The following MAPKBP1 variants were observed in gnomAD, a reference collection of about 807,000 sequenced individuals.
MAPKBP1 encodes mitogen-activated protein kinase binding protein 1.
In MAPKBP1, 71 loss-of-function variants were observed where a neutral mutation model predicts 170.5. That is an observed-to-expected ratio of 0.42 (90% confidence interval 0.34 to 0.51). MAPKBP1 has a LOEUF of 0.51. Among genes scored for constraint, MAPKBP1 ranks in the 20% least tolerant of loss-of-function variants. The pLI is 0.06. For synonymous variants in MAPKBP1, 719 were observed against 757.9 expected (o/e 0.95, Z 0.84); for missense variants, 1,598 against 1,933.0 (o/e 0.83, Z 3.25).
chr15:41,823,275 T>C lies in MAPKBP1; in HGVS notation c.3598+53T>C, dbSNP rs1349688997. The C allele has an allele frequency of 6.3e-5, 100 of 1,581,226 alleles. 1 individual carries two copies. The highest frequency in any genetic ancestry group is 4.3e-6 in the Non-Finnish European group (5 of 1,162,084). On this transcript the variant is annotated intron_variant, in intron 28 of 30. Coordinates refer to ENST00000457542, the MANE Select transcript of MAPKBP1 (RefSeq NM_014994.3). ...GGGTGCAGGGTGTATGGAACACATG[T>C]ACATGCTGGAGGAGGGAGGGCCTGG...
intron 26 of MAPKBP1, 76 bp downstream of exon 26, chr15:41,822,498 C>T: frequency 1.2e-6 from 2 of 1,602,502 alleles, no homozygotes; most frequent in Non-Finnish European, 1.7e-6. Context: ...AGGAGGGTCC[C>T]AGGGTATAGG....
intron 8 of MAPKBP1, 42 bp downstream of exon 8, chr15:41,813,143 C>T (rs371195003): frequency 6.4e-7 from 1 of 1,572,060 alleles, no homozygotes; most frequent in Non-Finnish European, 8.6e-7. Context: ...GCTCATGTCT[C>T]AGCTCAGGGG....
chr15:41,823,420 C>T (rs775481160), intron 28 of MAPKBP1, 27 bp from the exon 29 acceptor site: 17 of 1,589,508 alleles, frequency 1.1e-5, no homozygotes, highest in Admixed American at 6.9e-5. Flanking sequence ...AACACCTGAC[C>T]TGTGTATACC....
intron 28 of MAPKBP1, 67 bp from the exon 29 acceptor site, chr15:41,823,380 T>C: frequency 6.4e-7 from 1 of 1,559,146 alleles, no homozygotes; most frequent in Non-Finnish European, 8.7e-7. Context: ...CTCTTCGGGA[T>C]TGGGTGTTGG....
intron 3 of MAPKBP1, among the ~76,000 whole-genome samples, chr15:41,807,464 T>G (rs2064718863): frequency 6.6e-6 from 1 of 152,242 alleles, no homozygotes; most frequent in Non-Finnish European, 1.5e-5. Context: ...TATGGTTGGC[T>G]GGATTATGCA....
chr15:41,791,866 A>T (rs1308380541), intron 2 of MAPKBP1, among the ~76,000 whole-genome samples: 1 of 151,826 alleles, frequency 6.6e-6, no homozygotes, highest in Non-Finnish European at 1.5e-5. Context: ...GACCAGCCTG[A>T]CCAACATGGA....
chr15:41,781,221 A>G (rs773889348), intron 2 of MAPKBP1, among the ~76,000 whole-genome samples: 4 of 151,926 alleles, frequency 2.6e-5, no homozygotes, highest in Admixed American at 6.6e-5. Flanking sequence ...GATTACAGGC[A>G]TGTGCCACCA....
At chr15:41,819,550 G>GCT in intron 21 of MAPKBP1, 45 bp from the exon 22 acceptor site, 6 of 1,518,506 alleles carry the variant, frequency 4.0e-6, no homozygotes, top group Non-Finnish European at 5.4e-6. Context: ...TGGGTGGCGG[G>GCT]GGGGGGGCAG....
chr15:41,802,397 T>C (rs759441582), intron 3 of MAPKBP1, among the ~76,000 whole-genome samples: 1 of 151,270 alleles, frequency 6.6e-6, no homozygotes, highest in East Asian at 1.9e-4. Flanking sequence ...TTTATAAACT[T>C]TTTTTTTTAA....
chr15:41,811,028 G>A (rs2064795600), intron 4 of MAPKBP1, 83 bp downstream of exon 4: 1 of 1,568,578 alleles, frequency 6.4e-7, no homozygotes, highest in Non-Finnish European at 8.8e-7. Context: ...ATGGCTCTGG[G>A]GGCTGGGACC....
chr15:41,798,520 T>G (rs1388329237), intron 2 of MAPKBP1, among the ~76,000 whole-genome samples: 1 of 152,004 alleles, frequency 6.6e-6, no homozygotes. Flanking sequence ...TGACCTCAAG[T>G]GATCTGCCCA....
intron 2 of MAPKBP1, among the ~76,000 whole-genome samples, chr15:41,794,701 T>C (rs969787205): frequency 6.6e-6 from 1 of 152,208 alleles, no homozygotes; most frequent in African/African-American, 2.4e-5. Context: ...AAGTGCCCAT[T>C]GTATGCCAGA....
chr15:41,822,516 TG>T lies in MAPKBP1; in HGVS notation c.3230-72del. Reference sequence around the variant, plus strand: ...AGGGTCCCAGGGTATAGGCTGTGGCTGGGGGTCTCAAGGAGGCAAAATCTGG... The same window carrying T: ...AGGGTCCCAGGGTATAGGCTGTGGCTGGGGTCTCAAGGAGGCAAAATCTGG... On this transcript the variant is annotated intron_variant, in intron 26 of 30. Transcript: ENST00000457542. 8.7e-6 allele frequency: 14 copies of T among 1,605,348 alleles called. No individual in the cohort carries two copies. In the South Asian group the frequency reaches 1.4e-4, roughly 16 times the overall value.
intron 7 of MAPKBP1, 88 bp downstream of exon 7, chr15:41,812,741 C>G (rs866245505): frequency 2.7e-6 from 4 of 1,496,116 alleles, no homozygotes; most frequent in Middle Eastern, 2.4e-4. Context: ...ACTTGGGCCT[C>G]TCTCTGCATT....
In MAPKBP1 at chr15:41,815,345, G is replaced by A. The variant is rs909563190; in HGVS notation, c.1257G>A (p.Leu419=). 1.2e-6 allele frequency: 2 copies of A among 1,614,088 alleles called. No individual in the cohort carries two copies. Among genetic ancestry groups the A allele is most frequent in the Admixed American group, 3.3e-5 (2 of 60,014 alleles). ...ITCSSDNTIR[L]WNTESSGVHG... ...GCTCCTCAGACAACACCATCCGCCT[G>A]TGGAACACAGAGAGCTCCGGGGTGC... Residue 419 remains leucine (L), a synonymous_variant, in exon 11 of 31, where the codon CTG becomes CTA. Transcript: ENST00000457542.
intron 3 of MAPKBP1, among the ~76,000 whole-genome samples, chr15:41,808,167 C>T (rs531753605): frequency 3.7e-5 from 5 of 135,864 alleles, no homozygotes; most frequent in Admixed American, 1.6e-4. Context: ...AGTGCCATGG[C>T]GTGATTTTGG....
chr15:41,824,486 C>A lies in MAPKBP1; in HGVS notation c.4216C>A (p.Pro1406Thr). 1 of 1,593,540 alleles carries A rather than the reference C, an allele frequency of 6.3e-7. No homozygotes were observed. Among genetic ancestry groups the A allele is most frequent in the Admixed American group, 1.7e-5 (1 of 57,400 alleles). ...TGAGCTGTATCCGTCTCTTTCAGAG[C>A]CAGCGGTGAGCCTGGAGCAGTGTGA... ...PGAALSQDSE[P>T]AVSLEQCEQL... The change falls in exon 30 of 31, where the codon CCA becomes ACA. Residue 1406 changes from proline to threonine, a missense_variant and splice_region_variant. Pro to Thr is a conservative substitution (Grantham distance 38). This residue lies in a region of MAPKBP1 where 942 missense variants were observed against 953.2 expected (regional missense o/e 0.99). Transcript: ENST00000457542.
At position 41,821,207 on chromosome 15, in the gene MAPKBP1, A is replaced by AGG. The variant is rs1389181239; in HGVS notation, c.2718+140_2718+141dup. 12 of 819,308 alleles carry AGG rather than the reference A, an allele frequency of 1.5e-5. No individual in the cohort carries two copies. The East Asian group carries it at 3.0e-4, about 21-fold the overall frequency. The allele number at this position is 819,308 out of a possible 1,614,324, so 50.8% of individuals were successfully genotyped here. A position where few individuals can be genotyped will look rare whatever the true frequency, so the allele number is the denominator to read the frequency against. On this transcript the variant is annotated intron_variant, in intron 23 of 30. Coordinates refer to ENST00000457542, the MANE Select transcript of MAPKBP1 (RefSeq NM_014994.3). ...CATGGGTAACCTGAACTGCAAAGCCAGGATGGGGGTGGCTGGGCTGTATGG... is the reference window on the plus strand; with the variant it reads ...CATGGGTAACCTGAACTGCAAAGCCAGGGGATGGGGGTGGCTGGGCTGTATGG...
At chr15:41,795,773 A>AT (rs1014234992) in intron 2 of MAPKBP1, among the ~76,000 whole-genome samples, 4 of 150,758 alleles carry the variant, frequency 2.7e-5, no homozygotes, top group Non-Finnish European at 5.9e-5. Flanking sequence ...CGCCCGGCTA[A>AT]TTTTTTTTTG....
Sources: allele counts gnomAD v4.1 joint callset (sites outside exome capture counted in the v4.1 genomes callset), GRCh38; gene constraint gnomAD v4.1.1; regional missense constraint gnomAD v4.1.1; transcripts MANE v1.5; gene names NCBI Gene and HGNC (gene_info 2026-07-23, HGNC 2026-07-21).